The following DOCK1 variants were observed in gnomAD, a reference collection of about 807,000 sequenced individuals.
DOCK1 encodes the protein dedicator of cytokinesis protein 1.
A neutral mutation model predicts 262.7 loss-of-function variants in DOCK1; 138 were observed. The observed-to-expected ratio is 0.53, with a 90% CI of 0.46 to 0.61. DOCK1 has a LOEUF of 0.61. Ranked by LOEUF, DOCK1 falls within the 20% of genes least tolerant of loss-of-function variation. DOCK1 has a pLI of 0.00. For synonymous variants in DOCK1, 866 were observed against 867.4 expected (o/e 1.00, Z 0.03); for missense variants, 1,908 against 2,370.7 (o/e 0.80, Z 4.05).
At chr10:127,285,809 G>A (rs1182509214) in intron 29 of DOCK1, among the ~76,000 whole-genome samples, 7 of 152,188 alleles carry the variant, frequency 4.6e-5, no homozygotes, top group Non-Finnish European at 7.3e-5. Context: ...CCTGCTTGAC[G>A]ACCTGTTATG....
chr10:127,171,956 T>G (rs1399321998), intron 27 of DOCK1, among the ~76,000 whole-genome samples: 2 of 152,206 alleles, frequency 1.3e-5, no homozygotes, highest in African/African-American at 4.8e-5. Flanking sequence ...CCACTCGCCT[T>G]GGCCTCCCAA....
chr10:127,423,272 C>G (rs2068615991), intron 46 of DOCK1, among the ~76,000 whole-genome samples: 1 of 152,148 alleles, frequency 6.6e-6, no homozygotes, highest in Non-Finnish European at 1.5e-5. Flanking sequence ...TGAGGTTTTT[C>G]TCCTGGGAGT....
rs758932963 is a variant in DOCK1, at chr10:127,261,939, GGT to G, written c.3044+4523_3044+4524del. ...ACCCGTGCTCATCTGTGTGCATGTG[GGT>G]GTGTGTGTGTGTACCCGTGCTCCTC... On this transcript the variant is annotated intron_variant, in intron 29 of 51. Coordinates refer to ENST00000623213, the MANE Select transcript of DOCK1 (RefSeq NM_001290223.2). 1.0e-3 allele frequency among the ~76,000 whole-genome samples: 96 copies of G among 92,826 alleles called. 2 individuals are homozygous for G. The highest frequency in any genetic ancestry group is 3.1e-3 in the African/African-American group (71 of 23,112). 60.9% of individuals were successfully genotyped at this position (92,826 alleles called of 152,430 possible).
rs2048176665 is a variant in DOCK1 at position 127,100,496 on chromosome 10, G to A, written c.2446-5735G>A. Among the ~76,000 whole-genome samples the A allele has an allele frequency of 6.6e-6, 1 of 152,154 alleles. No homozygotes were observed. The highest frequency in any genetic ancestry group is 2.4e-5 in the African/African-American group (1 of 41,458). On this transcript the variant is annotated intron_variant, in intron 23 of 51. Coordinates refer to ENST00000623213, the MANE Select transcript of DOCK1 (RefSeq NM_001290223.2). This position sits in a 1 kb window ranked among gnomAD's most constrained non-coding sequence, Gnocchi z 5.5. ...AGTTTGCAATGTCTAGGGTCAGCCA[G>A]GGTGGACCCCGGTGGGTGTGGGGTG...
chr10:127,068,049 T>A (rs1490418792), intron 23 of DOCK1, among the ~76,000 whole-genome samples: 2 of 152,200 alleles, frequency 1.3e-5, no homozygotes, highest in African/African-American at 2.4e-5. Context: ...TCCATCTGGC[T>A]TTCTTAGAGA....
intron 40 of DOCK1, among the ~76,000 whole-genome samples, chr10:127,406,794 C>T (rs1054767973): frequency 3.9e-5 from 6 of 152,188 alleles, no homozygotes; most frequent in South Asian, 2.1e-4. Flanking sequence ...AAATGTTATT[C>T]GTGTTTTTAC....
chr10:127,208,153 G>A (rs1031304634), intron 27 of DOCK1, among the ~76,000 whole-genome samples: 1 of 152,186 alleles, frequency 6.6e-6, no homozygotes, highest in African/African-American at 2.4e-5. Flanking sequence ...ATTGGGAATA[G>A]TAATGTCTTT....
At chr10:126,946,451 G>C (rs2035413030) in intron 1 of DOCK1, among the ~76,000 whole-genome samples, 2 of 152,164 alleles carry the variant, frequency 1.3e-5, no homozygotes, top group African/African-American at 4.8e-5. Context: ...GGAGGCTGAG[G>C]CAGGAGAATC....
At chr10:127,002,339 A>G (rs1655216990) in intron 10 of DOCK1, among the ~76,000 whole-genome samples, 1 of 152,214 alleles carries the variant, frequency 6.6e-6, no homozygotes, top group South Asian at 2.1e-4. Flanking sequence ...ATGCGTAGTT[A>G]TATTTCTTAA....
chr10:127,037,956 G>C, intron 19 of DOCK1, 140 bp downstream of exon 19: 1 of 703,680 alleles, frequency 1.4e-6, no homozygotes. Context: ...CATAGGGATT[G>C]GGTGCGGTGG....
At chr10:127,035,131 G>A (rs780314868) in intron 18 of DOCK1, among the ~76,000 whole-genome samples, 7 of 152,184 alleles carry the variant, frequency 4.6e-5, no homozygotes, top group Non-Finnish European at 7.3e-5. Context: ...TGTCAGGTGT[G>A]TACAAGATGG....
At chr10:127,210,824 C>T (rs1471679126) in intron 27 of DOCK1, among the ~76,000 whole-genome samples, 2 of 152,310 alleles carry the variant, frequency 1.3e-5, no homozygotes, top group African/African-American at 2.4e-5. Context: ...CTAGGTGTCA[C>T]TGAATTTCTC....
At chr10:127,039,934 A>G (rs2043907676) in intron 19 of DOCK1, among the ~76,000 whole-genome samples, 2 of 152,218 alleles carry the variant, frequency 1.3e-5, no homozygotes, top group Admixed American at 1.3e-4. Context: ...GGGGTGCCAG[A>G]TGAAGCCCTT....
chr10:127,301,720 C>G (rs2061684679), intron 29 of DOCK1, among the ~76,000 whole-genome samples: 1 of 152,012 alleles, frequency 6.6e-6, no homozygotes, highest in African/African-American at 2.4e-5. Flanking sequence ...CCGAGGAGGG[C>G]AGATCACTTG....
At chr10:127,317,002 G>A (rs781032696) in intron 29 of DOCK1, among the ~76,000 whole-genome samples, 23 of 152,094 alleles carry the variant, frequency 1.5e-4, no homozygotes, top group Admixed American at 1.4e-3. Flanking sequence ...TGGCTAAAGC[G>A]AGCTGACTTT....
chr10:127,442,949 C>T (rs935305072), intron 49 of DOCK1, among the ~76,000 whole-genome samples: 2 of 152,240 alleles, frequency 1.3e-5, no homozygotes, highest in African/African-American at 2.4e-5. Flanking sequence ...GCCAGCCCCT[C>T]GTGTGGGGGA....
intron 27 of DOCK1, among the ~76,000 whole-genome samples, chr10:127,241,727 A>G (rs940985906): frequency 6.6e-6 from 1 of 150,676 alleles, no homozygotes; most frequent in Non-Finnish European, 1.5e-5. Flanking sequence ...TGAGCAGAAA[A>G]GAGAGAGGGG....
Position 127,282,002 on chromosome 10 carries a change from T to C in DOCK1, c.3044+24573T>C, listed in dbSNP as rs139358575. ...ACACAATAAATAAATACACTAATAC[T>C]ACAATAGCTGGTAAACTAATAAAAA... On this transcript the variant is annotated intron_variant, in intron 29 of 51. Coordinates refer to ENST00000623213, the MANE Select transcript of DOCK1 (RefSeq NM_001290223.2). Among the ~76,000 whole-genome samples, 439 of 152,310 alleles carry C rather than the reference T, an allele frequency of 2.9e-3. 2 individuals are homozygous for C. Among genetic ancestry groups the C allele is most frequent in the African/African-American group, 0.01 (422 of 41,564 alleles).
At position 127,035,942 on chromosome 10, in the gene DOCK1, C is replaced by T. The variant is rs181741903; in HGVS notation, c.1913-1777C>T. ...GCTTGAGCCTGGGAGTTAGAGGCTG[C>T]ATTGAGCTGTGGTTGTGCTCCTGCA... On this transcript the variant is annotated intron_variant, in intron 18 of 51. Coordinates refer to ENST00000623213, the MANE Select transcript of DOCK1 (RefSeq NM_001290223.2). Among the ~76,000 whole-genome samples the T allele has an allele frequency of 3.2e-3, 483 of 151,690 alleles. 6 individuals are homozygous for T. Among genetic ancestry groups the T allele is most frequent in the African/African-American group, 0.011 (457 of 41,312 alleles).
Sources: gnomAD v4.1 joint callset for allele counts (sites outside exome capture counted in the v4.1 genomes callset) on GRCh38, gnomAD v4.1.1 for gene constraint, Gnocchi (gnomAD v3.1) non-coding constraint, MANE v1.5 for transcripts, NCBI Gene and HGNC (gene_info 2026-07-23, HGNC 2026-07-21) for gene names.